Variants in EPHA5 observed in about 807,000 individuals in gnomAD.
EPHA5 encodes ephrin type-A receptor 5.
Under a neutral mutation model 105.0 loss-of-function variants are expected in EPHA5, and 60 were observed. That is an observed-to-expected ratio of 0.57 (90% CI 0.46 to 0.71). EPHA5 has a LOEUF of 0.71. EPHA5 is among the 30% of genes least tolerant of loss of function. The pLI is 0.00. For missense variants in EPHA5, 1,218 were observed against 1,274.7 expected (o/e 0.96, Z 0.68); for synonymous variants, 513 against 449.1 (o/e 1.14, Z -1.80).
rs1452506918 is a variant in EPHA5 at position 65,336,197 on chromosome 4, A to C, written c.2596-72T>G. On this transcript the variant is annotated intron_variant, in intron 14 of 16. Transcript: ENST00000613740. ...TATAGAATAGCTTTAAAAATGTCCC[A>C]CTGTCCAACTTTTATCCTTTCTTAT... 3 of 1,253,654 alleles carry C rather than the reference A, an allele frequency of 2.4e-6. No homozygotes were observed. In the African/African-American group the frequency reaches 4.6e-5, roughly 19 times the overall value. The allele number at this position is 1,253,654 out of a possible 1,614,324, so 77.7% of individuals were successfully genotyped here.
chr4:65,574,687 T>TAC (rs1233217585), intron 3 of EPHA5, among the ~76,000 whole-genome samples: 2,037 of 46,578 alleles, frequency 0.044, 150 homozygotes, highest in East Asian at 0.14. Context: ...TACATATATA[T>TAC]ACATATATAT....
chr4:65,465,583 A>C (rs1728638443), intron 5 of EPHA5, among the ~76,000 whole-genome samples: 1 of 151,050 alleles, frequency 6.6e-6, no homozygotes. Context: ...GAAAGGAAGG[A>C]AAGGAAAGAA....
At position 65,353,063 on chromosome 4, in the gene EPHA5, G is replaced by A. The variant is rs771855103; in HGVS notation, c.2214C>T (p.Gly738=). The change falls in exon 12 of 17, where the codon GGC becomes GGT. Residue 738 remains glycine (G), a synonymous_variant. Coordinates refer to ENST00000613740, the MANE Select transcript of EPHA5 (RefSeq NM_001281766.3). ...CTACCTTCAAAAATGTATCTAAAGA[G>A]CCATTCTCCATATACTCTGTCACGA... ...VMIVTEYMEN[G]SLDTFLKKND... is the part of the protein sequence containing the mutation. 3.8e-6 allele frequency: 6 copies of A among 1,562,474 alleles called. No homozygotes were observed. Among genetic ancestry groups the A allele is most frequent in the South Asian group, 1.2e-5 (1 of 82,586 alleles).
Position 65,648,550 on chromosome 4 carries a change from T to C in EPHA5, c.182-5123A>G, listed in dbSNP as rs551426711. Among the ~76,000 whole-genome samples, 230 of 152,310 alleles carry C rather than the reference T, an allele frequency of 1.5e-3. 4 individuals are homozygous for C. The highest frequency in any genetic ancestry group is 0.014 in the Middle Eastern group (4 of 294). ...TATATTGTTTCTGTTTTTGCCATTA[T>C]CTTCACATTAACAAACACAATTATA... is the stretch of plus-strand genomic sequence containing the variant. On this transcript the variant is annotated intron_variant, in intron 1 of 16. Transcript: ENST00000613740.
chr4:65,335,190 A>T (rs1010406230), intron 15 of EPHA5, among the ~76,000 whole-genome samples: 7 of 152,022 alleles, frequency 4.6e-5, no homozygotes, highest in Non-Finnish European at 1.0e-4. Flanking sequence ...TGCCTCAAAC[A>T]TAGTGAAAAT....
chr4:65,591,615 A>ATT (rs1560743625), intron 3 of EPHA5, among the ~76,000 whole-genome samples: 2,368 of 145,786 alleles, frequency 0.016, 62 homozygotes, highest in African/African-American at 0.061. Context: ...TTTTTTTTAA[A>ATT]AAAAAAGCTT....
intron 5 of EPHA5, among the ~76,000 whole-genome samples, chr4:65,464,330 C>G (rs529203390): frequency 6.6e-6 from 1 of 151,980 alleles, no homozygotes; most frequent in Non-Finnish European, 1.5e-5. Flanking sequence ...GACGTGCCTA[C>G]AAAATTTAAA....
At chr4:65,432,693 A>G (rs1018860291) in intron 5 of EPHA5, among the ~76,000 whole-genome samples, 2 of 151,930 alleles carry the variant, frequency 1.3e-5, no homozygotes, top group Non-Finnish European at 2.9e-5. Context: ...TCAGTCTCCT[A>G]AGTATCCTGG....
chr4:65,465,541 G>GAA (rs1560567696), intron 5 of EPHA5, among the ~76,000 whole-genome samples: 5 of 67,188 alleles, frequency 7.4e-5, no homozygotes, highest in Admixed American at 3.7e-4. Flanking sequence ...AGAAAGGAAA[G>GAA]GAAGGAAAGG....
chr4:65,561,278 G>A (rs1016787744), intron 3 of EPHA5, among the ~76,000 whole-genome samples: 11 of 152,086 alleles, frequency 7.2e-5, no homozygotes, highest in Admixed American at 6.6e-4. Context: ...CCTATCAAAT[G>A]TCTATACTCA....
At chr4:65,344,256 C>T (rs1390266865) in intron 14 of EPHA5, among the ~76,000 whole-genome samples, 1 of 152,034 alleles carries the variant, frequency 6.6e-6, no homozygotes, top group African/African-American at 2.4e-5. Context: ...AATGAGATCA[C>T]GTTTGGGCTA....
At chr4:65,660,963 C>A (rs1472415802) in intron 1 of EPHA5, among the ~76,000 whole-genome samples, 1 of 152,088 alleles carries the variant, frequency 6.6e-6, no homozygotes, top group Non-Finnish European at 1.5e-5. Flanking sequence ...CACACAGAGA[C>A]CATGTAGGGC....
intron 2 of EPHA5, among the ~76,000 whole-genome samples, chr4:65,619,677 A>T (rs1325976059): frequency 2.0e-5 from 3 of 152,050 alleles, no homozygotes; most frequent in African/African-American, 7.2e-5. Context: ...ACAGAATTAA[A>T]CATTCAGCCA....
rs1719618933 is a variant in EPHA5 at position 65,321,277 on chromosome 4, T to C, written c.*2837A>G. 2 of 230,152 alleles carry C rather than the reference T, an allele frequency of 8.7e-6. No individual in the cohort carries two copies. The highest frequency in any genetic ancestry group is 1.7e-5 in the Non-Finnish European group (2 of 116,190). The allele number at this position is 230,152 out of a possible 1,614,324, so 14.3% of individuals were successfully genotyped here. Reference sequence around the variant, plus strand: ...TGTCATGTCTGTGCTTTATTTTTGGTAGTCTGGTGGGTGACAAAATGAATC... The same window carrying C: ...TGTCATGTCTGTGCTTTATTTTTGGCAGTCTGGTGGGTGACAAAATGAATC... On this transcript the variant is annotated 3_prime_UTR_variant, in exon 17 of 17. Transcript: ENST00000613740.
intron 3 of EPHA5, among the ~76,000 whole-genome samples, chr4:65,550,574 G>A (rs1036535426): frequency 2.0e-5 from 3 of 152,116 alleles, no homozygotes; most frequent in Non-Finnish European, 4.4e-5. Flanking sequence ...GGTGGCTCAC[G>A]TCTGTAATCC....
At chr4:65,351,875 T>G (rs1465547822) in intron 12 of EPHA5, among the ~76,000 whole-genome samples, 1 of 152,012 alleles carries the variant, frequency 6.6e-6, no homozygotes, top group Non-Finnish European at 1.5e-5. Flanking sequence ...TTATTCTCAG[T>G]CATCAGAAGG....
intron 11 of EPHA5, among the ~76,000 whole-genome samples, chr4:65,360,775 C>T (rs1002807051): frequency 1.3e-5 from 2 of 151,522 alleles, no homozygotes; most frequent in East Asian, 3.9e-4. Context: ...TTCTAACTAG[C>T]TTAAGATCTT....
At chr4:65,546,528 G>T (rs4860685) in intron 3 of EPHA5, among the ~76,000 whole-genome samples, 1 of 151,966 alleles carries the variant, frequency 6.6e-6, no homozygotes, top group Non-Finnish European at 1.5e-5. Flanking sequence ...TTCTCAAATA[G>T]TTTTCTCTGT....
rs760713555 is a variant in EPHA5, at chr4:65,490,519, G to T, written c.1260C>A (p.Gly420=). Residue 420 remains glycine (G), a synonymous_variant, in exon 5 of 17, where the codon GGC becomes GGA. Transcript: ENST00000613740. ...CCATCATGACAGAGGTGTTTTTCAGGCCGCTTTGCCGGGGAAGGTACCTGA... is the reference window on the plus strand; with the variant it reads ...CCATCATGACAGAGGTGTTTTTCAGTCCGCTTTGCCGGGGAAGGTACCTGA... ...GHVRYLPRQS[G]LKNTSVMMVD... The T allele has an allele frequency of 3.1e-6, 5 of 1,614,128 alleles. No homozygotes were observed. The highest frequency in any genetic ancestry group is 4.2e-6 in the Non-Finnish European group (5 of 1,180,022).
Sources: gnomAD v4.1 joint callset for allele counts (sites outside exome capture counted in the v4.1 genomes callset) on GRCh38, gnomAD v4.1.1 for gene constraint, MANE v1.5 for transcripts, NCBI Gene and HGNC (gene_info 2026-07-23, HGNC 2026-07-21) for gene names.